Variants in CSMD1 observed in about 807,000 individuals in gnomAD.
The protein encoded by CSMD1 is CUB and Sushi multiple domains 1, also known as CUB and sushi domain-containing protein 1.
Under a neutral mutation model 417.5 loss-of-function variants are expected in CSMD1, and 213 were observed. The observed-to-expected ratio is 0.51, with a 90% CI of 0.46 to 0.57. The LOEUF is 0.57. Ranked by LOEUF, CSMD1 falls within the 20% of genes least tolerant of loss-of-function variation. The pLI is 0.00. For missense variants in CSMD1, 6,923 were observed against 4,529.7 expected, an observed-to-expected ratio of 1.53 and a Z score of -15.17; for synonymous variants, 2,862 against 1,736.8, an observed-to-expected ratio of 1.65 and a Z score of -16.11.
intron 4 of CSMD1, among the ~76,000 whole-genome samples, chr8:4,008,295 T>A (rs1372800776): frequency 2.0e-5 from 3 of 152,094 alleles, no homozygotes; most frequent in Non-Finnish European, 2.9e-5. Context: ...AAAACAAATA[T>A]AGTTATTCTG....
intron 3 of CSMD1, among the ~76,000 whole-genome samples, chr8:4,264,907 G>T (rs918337544): frequency 3.3e-5 from 5 of 152,112 alleles, no homozygotes; most frequent in African/African-American, 1.2e-4. Flanking sequence ...GTAGGAATTG[G>T]GTTTAAGTCC....
intron 64 of CSMD1, among the ~76,000 whole-genome samples, chr8:2,955,186 C>T (rs2128921919): frequency 6.6e-6 from 1 of 152,322 alleles, no homozygotes; most frequent in South Asian, 2.1e-4. Context: ...GACAGAGTTT[C>T]ATTTACCTAT....
At chr8:3,693,295 T>C (rs1274537263) in intron 7 of CSMD1, among the ~76,000 whole-genome samples, 2 of 152,220 alleles carry the variant, frequency 1.3e-5, no homozygotes, top group Non-Finnish European at 2.9e-5. Flanking sequence ...GATTATATTC[T>C]AGGAGAAAAT....
chr8:3,985,558 C>G (rs1182588245), intron 5 of CSMD1, among the ~76,000 whole-genome samples: 3 of 152,100 alleles, frequency 2.0e-5, no homozygotes, highest in Non-Finnish European at 4.4e-5. Flanking sequence ...GATTGCTCTA[C>G]TATGGAATAA....
chr8:3,301,903 G>A lies in CSMD1; in HGVS notation c.3950+5792C>T, dbSNP rs1157885688. Among the ~76,000 whole-genome samples, 4 of 152,258 alleles carry A rather than the reference G, an allele frequency of 2.6e-5. No homozygotes were observed. In the South Asian group the frequency reaches 6.2e-4, roughly 24 times the overall value. On this transcript the variant is annotated intron_variant, in intron 25 of 69. Transcript: ENST00000635120. ...AGAAGAAAGGAAACATAAAGAGATG[G>A]AGAAATGACAGGGCTTTGTTTTCAG... is the stretch of plus-strand genomic sequence containing the variant.
chr8:3,272,713 C>G (rs996725578), intron 26 of CSMD1, among the ~76,000 whole-genome samples: 5 of 145,262 alleles, frequency 3.4e-5, no homozygotes, highest in Non-Finnish European at 7.5e-5. Context: ...GGAGTTCACT[C>G]CTGATTTGGC....
chr8:3,116,874 A>G (rs1262426748), intron 42 of CSMD1, among the ~76,000 whole-genome samples: 2 of 152,108 alleles, frequency 1.3e-5, no homozygotes, highest in Non-Finnish European at 2.9e-5. Flanking sequence ...ATACATATAT[A>G]TGAGTTTCTA....
intron 26 of CSMD1, among the ~76,000 whole-genome samples, chr8:3,283,795 C>G (rs1164789604): frequency 1.3e-5 from 2 of 152,254 alleles, no homozygotes; most frequent in African/African-American, 2.4e-5. Context: ...TAAATTCTAT[C>G]TTTTCGTCCT....
chr8:4,324,228 G>C (rs925530880), intron 3 of CSMD1, among the ~76,000 whole-genome samples: 6 of 152,226 alleles, frequency 3.9e-5, no homozygotes, highest in South Asian at 4.1e-4. Flanking sequence ...TGCATCTGCA[G>C]AGATTTCCCT....
intron 2 of CSMD1, among the ~76,000 whole-genome samples, chr8:4,490,264 A>T: frequency 6.6e-6 from 1 of 151,876 alleles, no homozygotes; most frequent in East Asian, 1.9e-4. Flanking sequence ...TTGATCTTGA[A>T]CTGCTGACCT....
At chr8:4,329,317 C>G (rs1008015131) in intron 3 of CSMD1, among the ~76,000 whole-genome samples, 4 of 152,126 alleles carry the variant, frequency 2.6e-5, no homozygotes, top group Non-Finnish European at 5.9e-5. Flanking sequence ...GAGATGGAGT[C>G]TTGCTATCTC....
At chr8:3,520,783 C>G (rs1398073167) in intron 10 of CSMD1, among the ~76,000 whole-genome samples, 1 of 152,046 alleles carries the variant, frequency 6.6e-6, no homozygotes, top group Non-Finnish European at 1.5e-5. Flanking sequence ...CTCCAAACCC[C>G]ATCACCACAT....
At chr8:3,258,086 G>C (rs1383624444) in intron 26 of CSMD1, among the ~76,000 whole-genome samples, 1 of 152,146 alleles carries the variant, frequency 6.6e-6, no homozygotes. Flanking sequence ...TTATAGGTAT[G>C]TCCAATAAGG....
chr8:4,419,576 C>G (rs928191605), intron 3 of CSMD1, among the ~76,000 whole-genome samples: 1 of 152,180 alleles, frequency 6.6e-6, no homozygotes, highest in Non-Finnish European at 1.5e-5. Flanking sequence ...TTCCTTTACT[C>G]AAGCACTATC....
intron 26 of CSMD1, among the ~76,000 whole-genome samples, chr8:3,274,274 T>G (rs1417514096): frequency 1.3e-5 from 2 of 152,142 alleles, no homozygotes; most frequent in South Asian, 2.1e-4. Context: ...CTAGTTTGAT[T>G]GCACTGTGGT....
At chr8:3,883,700 G>T (rs982173917) in intron 5 of CSMD1, among the ~76,000 whole-genome samples, 1 of 151,818 alleles carries the variant, frequency 6.6e-6, no homozygotes. Context: ...ATGTATTATG[G>T]CATGGTTATG....
intron 5 of CSMD1, among the ~76,000 whole-genome samples, chr8:3,837,410 C>G (rs938355577): frequency 7.9e-5 from 12 of 152,096 alleles, no homozygotes; most frequent in Admixed American, 4.6e-4. Context: ...ACTTTGATCT[C>G]AAAGGACTGC....
chr8:3,681,521 T>C (rs1329344853), intron 7 of CSMD1, among the ~76,000 whole-genome samples: 1 of 152,148 alleles, frequency 6.6e-6, no homozygotes, highest in African/African-American at 2.4e-5. Context: ...TACAAACCAC[T>C]GCTCAATGAA....
At chr8:4,066,209 C>T (rs1937413652) in intron 3 of CSMD1, among the ~76,000 whole-genome samples, 1 of 152,222 alleles carries the variant, frequency 6.6e-6, no homozygotes, top group African/African-American at 2.4e-5. Context: ...TTTCAACTGC[C>T]AGTCATGGGC....
Sources: gnomAD v4.1 joint callset for allele counts (sites outside exome capture counted in the v4.1 genomes callset) on GRCh38, gnomAD v4.1.1 for gene constraint, MANE v1.5 for transcripts, NCBI Gene and HGNC (gene_info 2026-07-23, HGNC 2026-07-21) for gene names.